Variants in SMYD3 observed in about 807,000 individuals in gnomAD.
SMYD3 encodes histone-lysine N-methyltransferase SMYD3.
Under a neutral mutation model 57.7 loss-of-function variants are expected in SMYD3, and 36 were observed. The ratio of observed to expected loss-of-function variants is 0.62; its 90% CI spans 0.48 to 0.82. The LOEUF (loss-of-function observed/expected upper bound fraction) is 0.82, where lower values mean the gene tolerates loss of function less well. SMYD3 is among the 40% of genes least tolerant of loss of function. SMYD3 has a pLI of 0.00. For synonymous variants in SMYD3, 211 were observed against 195.0 expected, an observed-to-expected ratio of 1.08 and a Z score of -0.68; for missense variants, 515 against 538.8, an observed-to-expected ratio of 0.96 and a Z score of 0.44.
chr1:245,960,835 G>C (rs1234515553), intron 5 of SMYD3, among the ~76,000 whole-genome samples: 1 of 152,170 alleles, frequency 6.6e-6, no homozygotes, highest in Admixed American at 6.5e-5. Flanking sequence ...AACTTTTTCA[G>C]ATATACTTTG....
intron 10 of SMYD3, among the ~76,000 whole-genome samples, chr1:245,796,330 G>C (rs1302348306): frequency 6.8e-6 from 1 of 147,926 alleles, no homozygotes; most frequent in Non-Finnish European, 1.5e-5. Context: ...AATTAATGGA[G>C]ATTTGGAATT....
chr1:246,038,684 G>A (rs759534781), intron 5 of SMYD3, among the ~76,000 whole-genome samples: 6 of 152,244 alleles, frequency 3.9e-5, no homozygotes, highest in South Asian at 2.1e-4. Flanking sequence ...ACATCTTTCC[G>A]ACATCAGTGA....
intron 1 of SMYD3, among the ~76,000 whole-genome samples, chr1:246,379,077 T>TAC (rs1256292141): frequency 3.7e-4 from 25 of 66,902 alleles, no homozygotes; most frequent in Non-Finnish European, 5.0e-4. Flanking sequence ...TACACACACA[T>TAC]ACATACACAC....
intron 2 of SMYD3, among the ~76,000 whole-genome samples, chr1:246,354,165 G>A (rs1373313601): frequency 6.6e-6 from 1 of 152,100 alleles, no homozygotes; most frequent in African/African-American, 2.4e-5. Context: ...GGAGGCAAGT[G>A]ACATAGACAC....
intron 5 of SMYD3, among the ~76,000 whole-genome samples, chr1:246,247,945 G>C (rs1278229773): frequency 6.6e-6 from 1 of 152,128 alleles, no homozygotes; most frequent in East Asian, 1.9e-4. Context: ...TGAGTGATGA[G>C]AACATACCCT....
At chr1:246,015,247 T>C (rs958713731) in intron 5 of SMYD3, among the ~76,000 whole-genome samples, 1 of 152,108 alleles carries the variant, frequency 6.6e-6, no homozygotes, top group Admixed American at 6.5e-5. Context: ...AGCAGCTGAT[T>C]TTCAGCAAAA....
chr1:246,353,760 G>A (rs1296307361), intron 2 of SMYD3, among the ~76,000 whole-genome samples: 1 of 152,088 alleles, frequency 6.6e-6, no homozygotes, highest in East Asian at 1.9e-4. Context: ...AATAATAATA[G>A]TACCTAATTC....
At chr1:245,943,163 C>T (rs1055759069) in intron 5 of SMYD3, among the ~76,000 whole-genome samples, 36 of 92,584 alleles carry the variant, frequency 3.9e-4, no homozygotes, top group African/African-American at 1.3e-3. Flanking sequence ...CAGACACACA[C>T]ACACTTTCCA....
In SMYD3 at chr1:246,089,545, G is replaced by A. The variant is rs149203464; in HGVS notation, c.532-159608C>T. Among the ~76,000 whole-genome samples the A allele has an allele frequency of 8.9e-4, 135 of 152,250 alleles. 1 individual carries two copies. The highest frequency in any genetic ancestry group is 3.0e-3 in the African/African-American group (123 of 41,548). On this transcript the variant is annotated intron_variant, in intron 5 of 11. Transcript: ENST00000490107. ...TCACTTCAGTTGCTCCTTTAAGACCGTGAGAAAGGAACATATGAATCTTCA... is the reference window on the plus strand; with the variant it reads ...TCACTTCAGTTGCTCCTTTAAGACCATGAGAAAGGAACATATGAATCTTCA...
At chr1:245,955,123 G>C (rs765870236) in intron 5 of SMYD3, among the ~76,000 whole-genome samples, 1 of 151,996 alleles carries the variant, frequency 6.6e-6, no homozygotes, top group African/African-American at 2.4e-5. Context: ...TTTGAGTCTC[G>C]CTCTGTCGCC....
intron 5 of SMYD3, among the ~76,000 whole-genome samples, chr1:246,284,263 A>G: frequency 6.6e-6 from 1 of 152,194 alleles, no homozygotes; most frequent in African/African-American, 2.4e-5. Context: ...AACGCAGAAC[A>G]AAGAAAGCAG....
chr1:246,406,187 G>A lies in SMYD3; in HGVS notation c.165-51093C>T, dbSNP rs2066863977. ...AATCTGCCTGCCTCAGCTTCCCAAA[G>A]CGCTGGGACTACAGGTGTGAGCCAC... On this transcript the variant is annotated intron_variant, in intron 1 of 11. Coordinates refer to ENST00000490107, the MANE Select transcript of SMYD3 (RefSeq NM_001167740.2). Among the ~76,000 whole-genome samples, 3 of 151,878 alleles carry A rather than the reference G, an allele frequency of 2.0e-5. No homozygotes were observed. In the South Asian group the frequency reaches 6.2e-4, roughly 32 times the overall value.
intron 5 of SMYD3, among the ~76,000 whole-genome samples, chr1:246,007,718 G>C (rs2059200808): frequency 6.6e-6 from 1 of 151,842 alleles, no homozygotes; most frequent in Non-Finnish European, 1.5e-5. Flanking sequence ...TCAGGAGGCT[G>C]AGGTGGGAGG....
chr1:246,011,090 G>C (rs989384638), intron 5 of SMYD3, among the ~76,000 whole-genome samples: 1 of 152,148 alleles, frequency 6.6e-6, no homozygotes, highest in Non-Finnish European at 1.5e-5. Context: ...CAAATTTAGA[G>C]ATCTAATGGT....
intron 5 of SMYD3, among the ~76,000 whole-genome samples, chr1:246,000,623 C>T (rs1159045617): frequency 6.6e-6 from 1 of 152,206 alleles, no homozygotes; most frequent in Non-Finnish European, 1.5e-5. Flanking sequence ...CACCACCATA[C>T]ACACAGTTCA....
At chr1:246,073,509 G>A (rs2060492740) in intron 5 of SMYD3, among the ~76,000 whole-genome samples, 1 of 152,012 alleles carries the variant, frequency 6.6e-6, no homozygotes, top group Non-Finnish European at 1.5e-5. Context: ...TTGAGCCCAG[G>A]AGTTCAAGAC....
Position 246,359,091 on chromosome 1 carries a change from G to C in SMYD3, c.165-3997C>G, listed in dbSNP as rs561968712. On this transcript the variant is annotated intron_variant, in intron 1 of 11. Coordinates refer to ENST00000490107, the MANE Select transcript of SMYD3 (RefSeq NM_001167740.2). The stretch of plus-strand genomic sequence containing the variant: ...AGCAAGATTAACCAAGAAAAGAAGA[G>C]AGAAGATCCAAATAAGCTCAACTGG... Among the ~76,000 whole-genome samples the C allele has an allele frequency of 1.4e-4, 22 of 152,226 alleles. No homozygotes were observed. In the East Asian group the frequency reaches 4.2e-3, roughly 29 times the overall value.
Position 246,255,933 on chromosome 1 carries a change from GATAGATAGATAGATAGATA to G in SMYD3, c.531+71249_531+71267del, listed in dbSNP as rs1558353906. On this transcript the variant is annotated intron_variant, in intron 5 of 11. Transcript: ENST00000490107. ...TTAGAGGGACATAACTAATAAGATA[GATAGATAGATAGATAGATA>G]GATAGATAGATAGATAGATAGATAG... Among the ~76,000 whole-genome samples, 135 of 117,990 alleles carry G rather than the reference GATAGATAGATAGATAGATA, an allele frequency of 1.1e-3. 1 individual carries two copies. Among genetic ancestry groups the G allele is most frequent in the African/African-American group, 3.2e-3 (106 of 33,598 alleles). The allele number at this position is 117,990 out of a possible 152,430, so 77.4% of individuals were successfully genotyped here. A position where few individuals can be genotyped will look rare whatever the true frequency, so the allele number is the denominator to read the frequency against.
chr1:246,125,589 T>A (rs2061497603), intron 5 of SMYD3, among the ~76,000 whole-genome samples: 1 of 152,148 alleles, frequency 6.6e-6, no homozygotes, highest in Admixed American at 6.5e-5. Flanking sequence ...ATAGAACAGT[T>A]TTTAAAGTTC....
Sources: allele counts gnomAD v4.1 joint callset (sites outside exome capture counted in the v4.1 genomes callset), GRCh38; gene constraint gnomAD v4.1.1; transcripts MANE v1.5; gene names NCBI Gene and HGNC (gene_info 2026-07-23, HGNC 2026-07-21).